Variants in KIAA2012 observed in about 807,000 individuals in gnomAD.
The protein encoded by KIAA2012 is uncharacterized protein KIAA2012.
In KIAA2012, 125 loss-of-function variants were observed where a neutral mutation model predicts 150.6. That is an observed-to-expected ratio of 0.83 (90% CI 0.72 to 0.96). The LOEUF (loss-of-function observed/expected upper bound fraction) is 0.96, where lower values mean the gene tolerates loss of function less well. Among genes scored for constraint, KIAA2012 ranks in the 40% least tolerant of loss-of-function variants. The pLI is 0.00. For missense variants in KIAA2012, 1,219 were observed against 1,354.9 expected, an observed-to-expected ratio of 0.90 and a Z score of 1.57; for synonymous variants, 462 against 504.7, an observed-to-expected ratio of 0.92 and a Z score of 1.13.
At chr2:202,091,630 G>T (rs1689726234) in intron 3 of KIAA2012, among the ~76,000 whole-genome samples, 1 of 152,160 alleles carries the variant, frequency 6.6e-6, no homozygotes, top group African/African-American at 2.4e-5. Context: ...AGTTACGCTT[G>T]CAATCTTCAA....
chr2:202,081,079 T>A, intron 2 of KIAA2012, among the ~76,000 whole-genome samples: 1 of 152,232 alleles, frequency 6.6e-6, no homozygotes, highest in East Asian at 1.9e-4. Flanking sequence ...TTCATATAAG[T>A]GAAAGCATAC....
chr2:202,167,035 C>T (rs924475078), intron 15 of KIAA2012, among the ~76,000 whole-genome samples: 3 of 151,940 alleles, frequency 2.0e-5, no homozygotes, highest in Non-Finnish European at 1.5e-5. Flanking sequence ...TAGCCAGGTG[C>T]GGTGGCGGGT....
At chr2:202,111,340 C>CAA (rs67625607) in intron 10 of KIAA2012, among the ~76,000 whole-genome samples, 3,162 of 83,766 alleles carry the variant, frequency 0.038, 144 homozygotes, top group African/African-American at 0.14. Context: ...ACTAAAAATA[C>CAA]AAAAAAAAAA....
intron 2 of KIAA2012, among the ~76,000 whole-genome samples, chr2:202,090,091 C>T (rs1168045615): frequency 6.6e-6 from 1 of 152,220 alleles, no homozygotes; most frequent in Non-Finnish European, 1.5e-5. Context: ...AGCAATCATC[C>T]TCTGAGAGTT....
In KIAA2012 at chr2:202,184,983, G is replaced by T. The variant is rs114948044; in HGVS notation, c.2210+140G>T. On this transcript the variant is annotated intron_variant, in intron 16 of 23. Transcript: ENST00000498697. Reference sequence around the variant, plus strand: ...ATGCTCTAACAGCCAAAATTAAATGGTTGTCTAAGAAACAAAGATTCTTGA... The same window carrying T: ...ATGCTCTAACAGCCAAAATTAAATGTTTGTCTAAGAAACAAAGATTCTTGA... 1.9e-3 allele frequency: 1,159 copies of T among 595,280 alleles called. 6 individuals carry two copies. The highest frequency in any genetic ancestry group is 0.019 in the African/African-American group (973 of 51,608). The allele number at this position is 595,280 out of a possible 1,614,324, so 36.9% of individuals were successfully genotyped here.
chr2:202,133,267 C>T (rs1690999720), intron 12 of KIAA2012, among the ~76,000 whole-genome samples: 2 of 150,726 alleles, frequency 1.3e-5, no homozygotes, highest in African/African-American at 4.9e-5. Flanking sequence ...CCTTATTAAT[C>T]CTGTGATGTT....
chr2:202,119,040 T>C (rs1029803379), intron 11 of KIAA2012, among the ~76,000 whole-genome samples: 1 of 152,210 alleles, frequency 6.6e-6, no homozygotes, highest in African/African-American at 2.4e-5. Context: ...CTCATGACTG[T>C]AATCCACTTT....
intron 14 of KIAA2012, among the ~76,000 whole-genome samples, chr2:202,156,449 A>G (rs1691526784): frequency 6.6e-6 from 1 of 152,116 alleles, no homozygotes. Flanking sequence ...GCTATCTACT[A>G]TGTGTTTGGC....
chr2:202,171,552 G>C (rs917680731), intron 15 of KIAA2012, among the ~76,000 whole-genome samples: 3 of 152,180 alleles, frequency 2.0e-5, no homozygotes, highest in Non-Finnish European at 4.4e-5. Context: ...CTCCCCGAAG[G>C]GTCACTTCTC....
intron 8 of KIAA2012, 65 bp downstream of exon 8, chr2:202,103,179 C>T: frequency 6.9e-7 from 1 of 1,446,022 alleles, no homozygotes; most frequent in Non-Finnish European, 9.3e-7. Flanking sequence ...GCCACTTCTA[C>T]ATGCTCCTAC....
At chr2:202,173,110 GGGGAAGTCCCCC>G (rs1234660953) in intron 15 of KIAA2012, among the ~76,000 whole-genome samples, 3 of 152,222 alleles carry the variant, frequency 2.0e-5, no homozygotes, top group Non-Finnish European at 4.4e-5. Flanking sequence ...AGCCCAGACT[GGGGAAGTCCCCC>G]GGGAAGTCCC....
intron 15 of KIAA2012, among the ~76,000 whole-genome samples, chr2:202,171,847 CTTTTT>C (rs60916677): frequency 8.6e-6 from 1 of 116,722 alleles, no homozygotes; most frequent in Non-Finnish European, 1.6e-5. Context: ...TTGGCATTTA[CTTTTT>C]TTTTTTTTTT....
At chr2:202,199,565 C>A (rs1383087301) in intron 22 of KIAA2012, among the ~76,000 whole-genome samples, 1 of 152,158 alleles carries the variant, frequency 6.6e-6, no homozygotes, top group Non-Finnish European at 1.5e-5. Context: ...CAATGCTGAA[C>A]TTCCAGAACA....
rs766595677 is a variant in KIAA2012, at chr2:202,193,343, A to G, written c.2854A>G (p.Arg952Gly). ...GGAGCAGGAGAAGGCTTCCTGGGACAGGCTTCGAGCAGAAAGAGCCGAGAT... is the reference window on the plus strand; with the variant it reads ...GGAGCAGGAGAAGGCTTCCTGGGACGGGCTTCGAGCAGAAAGAGCCGAGAT... ...KREQEKASWD[R>G]LRAERAEMRW... Residue 952 changes from arginine to glycine, a missense_variant, in exon 20 of 24, where the codon AGG becomes GGG. Physicochemically the swap from Arg to Gly is moderately radical, Grantham distance 125. Coordinates refer to ENST00000498697, the MANE Select transcript of KIAA2012 (RefSeq NM_001277372.4). The G allele has an allele frequency of 3.7e-5, 58 of 1,550,146 alleles. No individual in the cohort carries two copies. In the East Asian group the frequency reaches 1.2e-3, roughly 32 times the overall value.
chr2:202,132,768 A>AG (rs1291145735), intron 12 of KIAA2012, among the ~76,000 whole-genome samples: 8 of 43,452 alleles, frequency 1.8e-4, no homozygotes, highest in East Asian at 7.4e-4. Context: ...ATATATATAC[A>AG]TATATACATA....
rs1482859638 is a variant in KIAA2012, at chr2:202,202,022, C to T, written c.3408-407C>T. On this transcript the variant is annotated intron_variant, in intron 22 of 23. Transcript: ENST00000498697. ...CAACGCCTGAGTGGCGCTGCCGCCG[C>T]AGTTTTTGTATTTTTAGTAGAGACG... The T allele has an allele frequency of 1.0e-5, 6 of 577,516 alleles. No individual in the cohort carries two copies. The African/African-American group carries it at 1.1e-4, about 11-fold the overall frequency. The allele number at this position is 577,516 out of a possible 1,614,324, so 35.8% of individuals were successfully genotyped here.
intron 11 of KIAA2012, among the ~76,000 whole-genome samples, chr2:202,124,807 C>T (rs181436754): frequency 9.8e-5 from 15 of 152,324 alleles, no homozygotes; most frequent in Non-Finnish European, 1.5e-4. Flanking sequence ...CGGTGGCTCA[C>T]GCCTGTAATC....
chr2:202,147,506 G>C (rs916656695), intron 13 of KIAA2012, among the ~76,000 whole-genome samples: 2 of 152,148 alleles, frequency 1.3e-5, no homozygotes, highest in Non-Finnish European at 2.9e-5. Context: ...AGTGTGGAGG[G>C]CCAGGAAAGT....
At chr2:202,162,485 G>A (rs1691676440) in intron 14 of KIAA2012, among the ~76,000 whole-genome samples, 1 of 151,642 alleles carries the variant, frequency 6.6e-6, no homozygotes, top group Non-Finnish European at 1.5e-5. Flanking sequence ...ATGTTAGCCA[G>A]GCTGGTCTCG....
Sources: allele counts gnomAD v4.1 joint callset (sites outside exome capture counted in the v4.1 genomes callset), GRCh38; gene constraint gnomAD v4.1.1; transcripts MANE v1.5; gene names NCBI Gene and HGNC (gene_info 2026-07-23, HGNC 2026-07-21).